HDLBP: variants seen among roughly 807,000 people sequenced by gnomAD.
The protein encoded by HDLBP is vigilin.
HDLBP carries 30 observed loss-of-function variants against 137.3 expected under a neutral mutation model. The observed-to-expected ratio is 0.22, with a 90% CI of 0.16 to 0.30. The LOEUF is 0.30. Among genes scored for constraint, HDLBP ranks in the 10% least tolerant of loss-of-function variants. HDLBP has a pLI of 1.00. For missense variants in HDLBP, 1,119 were observed against 1,667.3 expected (o/e 0.67, Z 5.73); for synonymous variants, 606 against 596.0 (o/e 1.02, Z -0.24).
In HDLBP at chr2:241,262,725, T is replaced by C. The variant is rs1473316822; in HGVS notation, c.436A>G (p.Arg146Gly). 6.2e-7 allele frequency: 1 copy of C among 1,613,686 alleles called. No individual in the cohort carries two copies. The highest frequency in any genetic ancestry group is 1.1e-5 in the South Asian group (1 of 91,070). Residue 146 changes from arginine to glycine, a missense_variant, in exon 5 of 28, where the codon AGA becomes GGA. Physicochemically the swap from Arg to Gly is moderately radical, Grantham distance 125. Coordinates refer to ENST00000310931, the MANE Select transcript of HDLBP (RefSeq NM_005336.6). Reference sequence around the variant, plus strand: ...AGGCTACCCACCTGAGTCTGCAGTCTAGCAACAATGTCCTTCCGAGCTTTC... The same window carrying C: ...AGGCTACCCACCTGAGTCTGCAGTCCAGCAACAATGTCCTTCCGAGCTTTC... ...VMKARKDIVA[R>G]LQTQASATVA...
chr2:241,303,292 G>T (rs2075454264), intron 1 of HDLBP, among the ~76,000 whole-genome samples: 1 of 152,128 alleles, frequency 6.6e-6, no homozygotes, highest in South Asian at 2.1e-4. Context: ...GATGGTGCAG[G>T]GTCCTCTCTC....
chr2:241,246,162 G>A (rs938697609), intron 16 of HDLBP, among the ~76,000 whole-genome samples: 6 of 151,912 alleles, frequency 3.9e-5, no homozygotes, highest in African/African-American at 2.4e-5. Flanking sequence ...AAGCAGATGG[G>A]CCCAATAAAG....
Position 241,242,866 on chromosome 2 carries a change from C to G in HDLBP, c.1951-188G>C, listed in dbSNP as rs80318787. On this transcript the variant is annotated intron_variant, in intron 16 of 27. Coordinates refer to ENST00000310931, the MANE Select transcript of HDLBP (RefSeq NM_005336.6). ...CTGCACGGGGGAGGAGAGTGCACGT[C>G]CTGGGGAGAGTGGGGTGCGCCCAGC... 7.9e-3 allele frequency: 4,814 copies of G among 608,532 alleles called. 38 individuals are homozygous for G. The highest frequency in any genetic ancestry group is 0.035 in the African/African-American group (1,918 of 54,372). The allele number at this position is 608,532 out of a possible 1,614,324, so 37.7% of individuals were successfully genotyped here. A position where few individuals can be genotyped will look rare whatever the true frequency, so the allele number is the denominator to read the frequency against.
At chr2:241,236,444 T>C (rs2070454593) in intron 21 of HDLBP, 171 bp downstream of exon 21, 3 of 675,536 alleles carry the variant, frequency 4.4e-6, no homozygotes, top group African/African-American at 1.8e-5. Context: ...CTCCCCAAAC[T>C]CTGTGTCCAG....
intron 1 of HDLBP, among the ~76,000 whole-genome samples, chr2:241,298,124 G>C (rs1481736723): frequency 6.8e-6 from 1 of 146,484 alleles, no homozygotes; most frequent in Non-Finnish European, 1.5e-5. Context: ...CTAGCACTTT[G>C]GGAGGCAGAA....
intron 21 of HDLBP, chr2:241,235,959 T>G: frequency 8.7e-6 from 2 of 230,238 alleles, no homozygotes; most frequent in Non-Finnish European, 1.7e-5. Context: ...ACTACTCACC[T>G]TCCCTGCCCT....
Position 241,282,651 on chromosome 2 carries a change from G to A in HDLBP, c.-102-14110C>T, listed in dbSNP as rs1353012242. ...TGGTAATTCTAGCAATATTTCAAAC[G>A]TTTTCATTGTCATTGTATCTGTTAT... On this transcript the variant is annotated intron_variant, in intron 1 of 27. Transcript: ENST00000310931. Among the ~76,000 whole-genome samples, 5 of 152,044 alleles carry A rather than the reference G, an allele frequency of 3.3e-5. No individual in the cohort carries two copies. In the East Asian group the frequency reaches 5.8e-4, roughly 18 times the overall value.
chr2:241,251,150 G>A (rs1324883402), intron 11 of HDLBP, among the ~76,000 whole-genome samples: 1 of 151,706 alleles, frequency 6.6e-6, no homozygotes, highest in Non-Finnish European at 1.5e-5. Flanking sequence ...TAGAGACAGG[G>A]GTCTCACTAT....
chr2:241,307,494 C>G (rs1411369024), intron 1 of HDLBP, among the ~76,000 whole-genome samples: 1 of 152,190 alleles, frequency 6.6e-6, no homozygotes, highest in African/African-American at 2.4e-5. Context: ...TAGATTAATA[C>G]TGCAGTGGGC....
chr2:241,278,883 G>T (rs1445254736), intron 1 of HDLBP, among the ~76,000 whole-genome samples: 1 of 151,916 alleles, frequency 6.6e-6, no homozygotes, highest in Non-Finnish European at 1.5e-5. Flanking sequence ...ATCTAAGCCG[G>T]GTGTGGTGAT....
chr2:241,242,859 T>C (rs1421587488), intron 16 of HDLBP, 181 bp from the exon 17 acceptor site: 14 of 620,088 alleles, frequency 2.3e-5, no homozygotes, highest in African/African-American at 9.2e-5. Flanking sequence ...GGGAGGAGAG[T>C]GCACGTCCTG....
chr2:241,300,714 G>T (rs1226812890), intron 1 of HDLBP, among the ~76,000 whole-genome samples: 1 of 152,080 alleles, frequency 6.6e-6, no homozygotes, highest in Non-Finnish European at 1.5e-5. Flanking sequence ...TCCTTCACAG[G>T]CCAGGTCCTC....
chr2:241,290,276 T>C (rs890464578), intron 1 of HDLBP, among the ~76,000 whole-genome samples: 2 of 152,140 alleles, frequency 1.3e-5, no homozygotes, highest in African/African-American at 4.8e-5. Flanking sequence ...ATCAAGCTCA[T>C]CTGAGCAGAA....
chr2:241,271,139 A>G (rs146302621), intron 1 of HDLBP: 3 of 985,326 alleles, frequency 3.0e-6, no homozygotes, highest in African/African-American at 3.5e-5. Flanking sequence ...GGTGAGCCCT[A>G]TCTCCTGTCT....
At chr2:241,259,754 C>A (rs1008264015) in intron 5 of HDLBP, among the ~76,000 whole-genome samples, 1 of 152,124 alleles carries the variant, frequency 6.6e-6, no homozygotes, top group African/African-American at 2.4e-5. Flanking sequence ...GGATTACAGG[C>A]GTGAGAGTCA....
chr2:241,251,944 TC>T (rs1335627433), intron 11 of HDLBP, among the ~76,000 whole-genome samples: 2 of 152,082 alleles, frequency 1.3e-5, no homozygotes, highest in Non-Finnish European at 2.9e-5. Flanking sequence ...GCCACTGCAC[TC>T]CAGCCTGGTG....
At chr2:241,283,167 T>C (rs1185931318) in intron 1 of HDLBP, among the ~76,000 whole-genome samples, 1 of 152,192 alleles carries the variant, frequency 6.6e-6, no homozygotes, top group East Asian at 1.9e-4. Context: ...CAAAATTCCC[T>C]TAAACCAAAG....
In HDLBP at chr2:241,238,780, T is replaced by A. The variant is rs1248887796; in HGVS notation, c.2618A>T (p.Gln873Leu). The change falls in exon 20 of 28, where the codon CAG (glutamine) becomes CTG (leucine). Residue 873 changes from glutamine to leucine, a missense_variant. Transcript: ENST00000310931. The surrounding 1 kb of genome is among the most constrained non-coding windows in gnomAD (Gnocchi z 4.9). ...IQEIIEDLEA[Q>L]VTLECAIPQK... Reference sequence around the variant, plus strand: ...GGGTATAGCACATTCTAATGTCACCTGAGCTTCCTGGAGGGAGGTACACAA... The same window carrying A: ...GGGTATAGCACATTCTAATGTCACCAGAGCTTCCTGGAGGGAGGTACACAA... 2.0e-6 allele frequency: 3 copies of A among 1,507,810 alleles called. No homozygotes were observed. The highest frequency in any genetic ancestry group is 2.7e-6 in the Non-Finnish European group (3 of 1,117,630). The allele number at this position is 1,507,810 out of a possible 1,614,324, so 93.4% of individuals were successfully genotyped here. A position where few individuals can be genotyped will look rare whatever the true frequency, so the allele number is the denominator to read the frequency against.
Position 241,247,710 on chromosome 2 carries a change from A to T in HDLBP, c.1731+293T>A, listed in dbSNP as rs552663105. On this transcript the variant is annotated intron_variant, in intron 14 of 27. Coordinates refer to ENST00000310931, the MANE Select transcript of HDLBP (RefSeq NM_005336.6). ...CTTACTGGATGGGACAATTTCTCTAAGTATCTGAAGACTCCTCAAGGAAAC... is the reference window on the plus strand; with the variant it reads ...CTTACTGGATGGGACAATTTCTCTATGTATCTGAAGACTCCTCAAGGAAAC... Among the ~76,000 whole-genome samples the T allele has an allele frequency of 2.0e-5, 3 of 152,354 alleles. No homozygotes were observed. The East Asian group carries it at 5.8e-4, about 29-fold the overall frequency.
Sources: gnomAD v4.1 joint callset for allele counts (sites outside exome capture counted in the v4.1 genomes callset) on GRCh38, gnomAD v4.1.1 for gene constraint, Gnocchi (gnomAD v3.1) non-coding constraint, MANE v1.5 for transcripts, NCBI Gene and HGNC (gene_info 2026-07-23, HGNC 2026-07-21) for gene names.